The following GALC variants were observed in gnomAD, a reference collection of about 807,000 sequenced individuals.
The protein encoded by GALC is galactosylceramidase.
In GALC, 77 loss-of-function variants were observed where a neutral mutation model predicts 91.8. The observed-to-expected ratio is 0.84, with a 90% confidence interval of 0.70 to 1.01. GALC has a LOEUF of 1.01. Among genes scored for constraint, GALC ranks in the 50% least tolerant of loss-of-function variants. The probability of loss-of-function intolerance (pLI) is 0.00; values close to 1 mark genes in which losing one functional copy is unlikely to be tolerated. For missense variants in GALC, 882 were observed against 855.9 expected (o/e 1.03, Z -0.38); for synonymous variants, 357 against 306.7 (o/e 1.16, Z -1.71).
intron 7 of GALC, among the ~76,000 whole-genome samples, chr14:87,975,944 C>T (rs530416115): frequency 1.3e-5 from 2 of 152,128 alleles, no homozygotes; most frequent in Non-Finnish European, 2.9e-5. Context: ...GGAGGCATGA[C>T]AAAAGTTATT....
intron 7 of GALC, among the ~76,000 whole-genome samples, chr14:87,974,041 T>C (rs1184750909): frequency 1.3e-5 from 2 of 152,174 alleles, no homozygotes; most frequent in Admixed American, 1.3e-4. Context: ...ATAGCTTGTA[T>C]TAGTACATGG....
chr14:87,934,922 G>C (rs1224178088), intron 16 of GALC, 44 bp from the exon 17 acceptor site: 2 of 1,406,604 alleles, frequency 1.4e-6, no homozygotes, highest in Middle Eastern at 1.8e-4. Flanking sequence ...TATGAAAATG[G>C]TCCTCTGAAG....
intron 12 of GALC, 39 bp downstream of exon 12, chr14:87,949,806 T>C (rs1427436762): frequency 3.0e-6 from 3 of 1,006,122 alleles, no homozygotes; most frequent in Non-Finnish European, 1.6e-6. Context: ...TGTTTTACTG[T>C]TGGAATACCC....
chr14:87,968,075 C>CA (rs1886129010), intron 8 of GALC, among the ~76,000 whole-genome samples: 3 of 151,960 alleles, frequency 2.0e-5, no homozygotes, highest in Non-Finnish European at 2.9e-5. Flanking sequence ...AGTAGCTTGT[C>CA]AAAAATCAGA....
At chr14:87,977,619 C>A (rs1434558789) in intron 6 of GALC, among the ~76,000 whole-genome samples, 1 of 152,166 alleles carries the variant, frequency 6.6e-6, no homozygotes, top group Non-Finnish European at 1.5e-5. Context: ...ACTACTATAG[C>A]CCCCAAGGAC....
chr14:87,945,967 C>A (rs1354026493), intron 13 of GALC, among the ~76,000 whole-genome samples: 4 of 151,988 alleles, frequency 2.6e-5, no homozygotes, highest in African/African-American at 9.7e-5. Context: ...TTAATCCAGG[C>A]ATCTGGTGTA....
At chr14:87,972,609 T>C (rs1177119832) in intron 7 of GALC, among the ~76,000 whole-genome samples, 1 of 151,846 alleles carries the variant, frequency 6.6e-6, no homozygotes, top group African/African-American at 2.4e-5. Context: ...ATATAGGAAA[T>C]TAAAATGAGA....
At chr14:87,967,351 T>C (rs1156762058) in intron 8 of GALC, among the ~76,000 whole-genome samples, 3 of 152,164 alleles carry the variant, frequency 2.0e-5, no homozygotes, top group Non-Finnish European at 2.9e-5. Flanking sequence ...GTACCTATCT[T>C]CAGTTTTCTA....
chr14:87,953,554 C>T (rs1015591710), intron 10 of GALC: 93 of 1,609,212 alleles, frequency 5.8e-5, no homozygotes, highest in Admixed American at 2.2e-4. Context: ...AAATGAGATA[C>T]GTATTGAGTT....
intron 5 of GALC, among the ~76,000 whole-genome samples, chr14:87,984,135 CAA>C (rs36113094): frequency 3.3e-3 from 379 of 116,260 alleles, no homozygotes; most frequent in African/African-American, 0.011. Context: ...TGGGTTGATA[CAA>C]AAAAAAAAAA....
chr14:87,980,122 C>T (rs1196690383), intron 6 of GALC, among the ~76,000 whole-genome samples: 1 of 152,164 alleles, frequency 6.6e-6, no homozygotes, highest in Admixed American at 6.6e-5. Context: ...GTGGCTCATG[C>T]CTGTAATCCC....
At position 87,992,385 on chromosome 14, in the gene GALC, A is replaced by G. The variant is rs555817208; in HGVS notation, c.195+585T>C. On this transcript the variant is annotated intron_variant, in intron 1 of 16. Coordinates refer to ENST00000261304, the MANE Select transcript of GALC (RefSeq NM_000153.4). ...GGCCGCTCGCTTATCTTCCTTTTAA[A>G]GAGACCTTGAGGCACCAGTCCTGCC... 12 of 1,535,684 alleles carry G rather than the reference A, an allele frequency of 7.8e-6. No homozygotes were observed. In the East Asian group the frequency reaches 2.2e-4, roughly 28 times the overall value.
At chr14:87,943,693 T>A (rs1275568380) in intron 14 of GALC, among the ~76,000 whole-genome samples, 1 of 152,006 alleles carries the variant, frequency 6.6e-6, no homozygotes, top group Admixed American at 6.6e-5. Flanking sequence ...AGTGGTTGTG[T>A]GGGAAATCCA....
chr14:87,987,080 G>A (rs2119703), intron 3 of GALC: 309,075 of 428,044 alleles, frequency 0.72, 112,154 homozygotes, highest in East Asian at 0.97. Flanking sequence ...GAGTTTTGAG[G>A]AAAAAAAAAG....
chr14:87,990,689 C>T (rs982155283), intron 1 of GALC, among the ~76,000 whole-genome samples: 1 of 152,208 alleles, frequency 6.6e-6, no homozygotes, highest in Non-Finnish European at 1.5e-5. Context: ...TATGCACTCC[C>T]ACATTTAACA....
chr14:87,992,873 G>C, intron 1 of GALC, 97 bp downstream of exon 1: 6 of 1,406,398 alleles, frequency 4.3e-6, no homozygotes, highest in South Asian at 1.5e-5. Context: ...GAGTGGAGCC[G>C]GTGGAAACGC....
chr14:87,974,450 C>T (rs1214708559), intron 7 of GALC, among the ~76,000 whole-genome samples: 2 of 152,026 alleles, frequency 1.3e-5, no homozygotes, highest in Non-Finnish European at 2.9e-5. Context: ...CCAGTATTTA[C>T]GTACCAAATA....
At chr14:87,961,563 C>T (rs1165118937) in intron 10 of GALC, among the ~76,000 whole-genome samples, 2 of 152,154 alleles carry the variant, frequency 1.3e-5, no homozygotes. Context: ...AAGACACACT[C>T]CCCGCAAATA....
chr14:87,992,271 G>A, intron 1 of GALC: 1 of 1,534,372 alleles, frequency 6.5e-7, no homozygotes, highest in South Asian at 1.2e-5. Flanking sequence ...ATGTAATTTC[G>A]GATACAAAAC....
Sources: gnomAD v4.1 joint callset for allele counts (sites outside exome capture counted in the v4.1 genomes callset) on GRCh38, gnomAD v4.1.1 for gene constraint, MANE v1.5 for transcripts, NCBI Gene and HGNC (gene_info 2026-07-23, HGNC 2026-07-21) for gene names.